The following FHIT variants were observed in gnomAD, a reference collection of about 807,000 sequenced individuals.
FHIT encodes the protein bis(5'-adenosyl)-triphosphatase.
Under a neutral mutation model 17.9 loss-of-function variants are expected in FHIT, and 19 were observed. That is an observed-to-expected ratio of 1.06 (90% CI 0.74 to 1.56). FHIT has a LOEUF of 1.56. Ranked by LOEUF, FHIT falls within the 40% of genes most tolerant of loss-of-function variation. The probability of loss-of-function intolerance (pLI) is 0.00; values close to 1 mark genes in which losing one functional copy is unlikely to be tolerated. For missense variants in FHIT, 248 were observed against 189.2 expected, an observed-to-expected ratio of 1.31 and a Z score of -1.82; for synonymous variants, 81 against 69.7, an observed-to-expected ratio of 1.16 and a Z score of -0.81.
chr3:60,243,602 G>A (rs938547586), intron 5 of FHIT, among the ~76,000 whole-genome samples: 2 of 152,036 alleles, frequency 1.3e-5, no homozygotes, highest in Non-Finnish European at 2.9e-5. Context: ...AGAAGATAGA[G>A]GCAACGGCTC....
chr3:60,352,832 G>T (rs1268614363), intron 5 of FHIT, among the ~76,000 whole-genome samples: 1 of 152,102 alleles, frequency 6.6e-6, no homozygotes, highest in South Asian at 2.1e-4. Context: ...TTTCTTATCA[G>T]AGTCCTACTT....
intron 3 of FHIT, among the ~76,000 whole-genome samples, chr3:60,921,741 C>T (rs1233124153): frequency 6.6e-6 from 1 of 152,246 alleles, no homozygotes; most frequent in South Asian, 2.1e-4. Context: ...TATGATCAGA[C>T]CTTCCCTTTG....
At chr3:61,116,190 A>G (rs1040543958) in intron 2 of FHIT, among the ~76,000 whole-genome samples, 1 of 151,930 alleles carries the variant, frequency 6.6e-6, no homozygotes, top group Non-Finnish European at 1.5e-5. Flanking sequence ...TGGTGGTGCC[A>G]TCTTAAGTTT....
intron 2 of FHIT, among the ~76,000 whole-genome samples, chr3:61,061,006 G>A (rs748765775): frequency 6.0e-4 from 92 of 152,156 alleles, no homozygotes; most frequent in Non-Finnish European, 1.2e-3. Flanking sequence ...TCATCCTTGA[G>A]CATGTCTTCC....
chr3:61,228,650 C>G (rs2040026267), intron 1 of FHIT, among the ~76,000 whole-genome samples: 2 of 152,278 alleles, frequency 1.3e-5, no homozygotes, highest in African/African-American at 4.8e-5. Context: ...TTTGCTTCCC[C>G]TACATCTGTT....
At chr3:59,945,294 A>T (rs942618750) in intron 7 of FHIT, among the ~76,000 whole-genome samples, 1 of 152,084 alleles carries the variant, frequency 6.6e-6, no homozygotes, top group Non-Finnish European at 1.5e-5. Context: ...GCATTTTTTC[A>T]TCTGCTTGTT....
chr3:60,088,982 T>C (rs975143842), intron 5 of FHIT, among the ~76,000 whole-genome samples: 4 of 152,164 alleles, frequency 2.6e-5, no homozygotes, highest in African/African-American at 4.8e-5. Context: ...CCAATTCAGT[T>C]TGCCAAAATC....
intron 8 of FHIT, among the ~76,000 whole-genome samples, chr3:59,831,509 G>A (rs1346628431): frequency 6.6e-6 from 1 of 152,110 alleles, no homozygotes; most frequent in Non-Finnish European, 1.5e-5. Flanking sequence ...TTCCGAGCCT[G>A]TGCCCTTAGT....
intron 4 of FHIT, among the ~76,000 whole-genome samples, chr3:60,734,566 G>A (rs980546131): frequency 3.9e-5 from 6 of 152,190 alleles, no homozygotes; most frequent in South Asian, 2.1e-4. Flanking sequence ...CCGGCATCCC[G>A]CCATGTTACC....
At chr3:59,922,578 C>A (rs930657020) in intron 7 of FHIT, among the ~76,000 whole-genome samples, 164 bp from the exon 8 acceptor site, 1 of 151,978 alleles carries the variant, frequency 6.6e-6, no homozygotes, top group Non-Finnish European at 1.5e-5. Flanking sequence ...TGAAATCTGC[C>A]GAGAAGAGAG....
intron 3 of FHIT, among the ~76,000 whole-genome samples, chr3:60,844,395 TAC>T (rs1305567154): frequency 6.6e-6 from 1 of 152,124 alleles, no homozygotes; most frequent in Non-Finnish European, 1.5e-5. Context: ...GAAAAAACCC[TAC>T]ACACATAAAC....
At chr3:60,779,027 G>C (rs1177777814) in intron 4 of FHIT, among the ~76,000 whole-genome samples, 1 of 152,166 alleles carries the variant, frequency 6.6e-6, no homozygotes, top group Non-Finnish European at 1.5e-5. Flanking sequence ...CCCATGGCTA[G>C]GCTCAGCTTT....
intron 3 of FHIT, among the ~76,000 whole-genome samples, chr3:60,963,404 A>C (rs1347484140): frequency 6.6e-6 from 1 of 152,060 alleles, no homozygotes; most frequent in African/African-American, 2.4e-5. Flanking sequence ...TGATTTTTTG[A>C]AGGGTTTTTT....
intron 3 of FHIT, among the ~76,000 whole-genome samples, chr3:61,002,727 C>G (rs567839027): frequency 2.7e-4 from 41 of 151,940 alleles, no homozygotes; most frequent in African/African-American, 9.7e-4. Flanking sequence ...GGTAAGAAAT[C>G]GTAATAAAAT....
At chr3:60,966,230 C>A (rs1553783342) in intron 3 of FHIT, among the ~76,000 whole-genome samples, 1 of 152,210 alleles carries the variant, frequency 6.6e-6, no homozygotes, top group African/African-American at 2.4e-5. Context: ...GCATGGAACC[C>A]TCCGAGCCAG....
At chr3:60,125,407 G>A (rs528410049) in intron 5 of FHIT, among the ~76,000 whole-genome samples, 43 of 152,146 alleles carry the variant, frequency 2.8e-4, no homozygotes, top group East Asian at 2.3e-3. Flanking sequence ...TGAGGCGGTC[G>A]GATCGCCTGA....
intron 5 of FHIT, among the ~76,000 whole-genome samples, chr3:60,363,902 A>G (rs1156789367): frequency 1.3e-5 from 2 of 152,126 alleles, no homozygotes; most frequent in Non-Finnish European, 2.9e-5. Context: ...GACGGTCACC[A>G]TCCTCTAAAG....
At chr3:61,230,279 T>A (rs1187222392) in intron 1 of FHIT, among the ~76,000 whole-genome samples, 1 of 152,298 alleles carries the variant, frequency 6.6e-6, no homozygotes, top group Non-Finnish European at 1.5e-5. Flanking sequence ...TTTAGCACTA[T>A]CCTCTTGGTG....
chr3:60,965,973 T>C (rs575070896), intron 3 of FHIT, among the ~76,000 whole-genome samples: 2 of 152,274 alleles, frequency 1.3e-5, no homozygotes, highest in South Asian at 2.1e-4. Flanking sequence ...AGCTGTCAGA[T>C]AGGGACGTTT....
Sources: gnomAD v4.1 joint callset for allele counts (sites outside exome capture counted in the v4.1 genomes callset) on GRCh38, gnomAD v4.1.1 for gene constraint, MANE v1.5 for transcripts, NCBI Gene and HGNC (gene_info 2026-07-23, HGNC 2026-07-21) for gene names.